SHISA9: variants seen among roughly 807,000 people sequenced by gnomAD.
The protein encoded by SHISA9 is protein shisa-9.
Under a neutral mutation model 38.0 loss-of-function variants are expected in SHISA9, and 13 were observed. The ratio of observed to expected loss-of-function variants is 0.34; its 90% CI spans 0.22 to 0.54. The LOEUF is 0.54. Among genes scored for constraint, SHISA9 ranks in the 20% least tolerant of loss-of-function variants. The pLI, the probability that SHISA9 is intolerant of heterozygous loss-of-function variation, is 0.91. For synonymous variants in SHISA9, 275 were observed against 242.0 expected, an observed-to-expected ratio of 1.14 and a Z score of -1.27; for missense variants, 538 against 575.8, an observed-to-expected ratio of 0.93 and a Z score of 0.67.
chr16:13,516,730 A>G, the SHISA9 span, among the ~76,000 whole-genome samples: 1 of 151,820 alleles, frequency 6.6e-6, no homozygotes, highest in Non-Finnish European at 1.5e-5. Flanking sequence ...AACCCGAGGC[A>G]GAGTTTGCAG....
chr16:13,451,581 C>T, the SHISA9 span, among the ~76,000 whole-genome samples: 31 of 152,186 alleles, frequency 2.0e-4, no homozygotes, highest in South Asian at 6.0e-3. Context: ...AACTGAAGAT[C>T]GGAGGACCTG....
At chr16:13,240,939 C>G (rs1246151147), downstream of SHISA9, among the ~76,000 whole-genome samples, 1 of 148,114 alleles carries the variant, frequency 6.8e-6, no homozygotes, top group Non-Finnish European at 1.5e-5. Context: ...GAAGAGAATA[C>G]TGGGAGGGGG....
chr16:12,983,815 T>C (rs2072272274), intron 2 of SHISA9, among the ~76,000 whole-genome samples: 3 of 152,200 alleles, frequency 2.0e-5, no homozygotes, highest in Admixed American at 6.5e-5. Flanking sequence ...TGCTCCGTTA[T>C]TCACCCTTTT....
chr16:12,961,125 C>T (rs150829274), intron 2 of SHISA9, among the ~76,000 whole-genome samples: 6 of 152,138 alleles, frequency 3.9e-5, no homozygotes, highest in South Asian at 2.1e-4. Flanking sequence ...AGCTGAGACC[C>T]GGAGGATGAG....
chr16:13,370,506 A>T, the SHISA9 span, among the ~76,000 whole-genome samples: 1 of 152,172 alleles, frequency 6.6e-6, no homozygotes, highest in Non-Finnish European at 1.5e-5. Flanking sequence ...TCTTCAGCTG[A>T]TACTGTTAAC....
chr16:13,562,970 G>A, the SHISA9 span: 1 of 152,238 alleles, frequency 6.6e-6, no homozygotes, highest in South Asian at 2.1e-4. Context: ...CTCGTTTGGT[G>A]GAACGTAAAG....
chr16:13,263,704 C>G, the SHISA9 span, among the ~76,000 whole-genome samples: 1 of 152,142 alleles, frequency 6.6e-6, no homozygotes, highest in African/African-American at 2.4e-5. Flanking sequence ...ACATATAATT[C>G]CTACATGACT....
intron 2 of SHISA9, among the ~76,000 whole-genome samples, chr16:12,964,848 G>T (rs2071957148): frequency 6.6e-6 from 1 of 151,994 alleles, no homozygotes; most frequent in Admixed American, 6.6e-5. Context: ...TATTTCTTGG[G>T]GTTGTCAAAA....
chr16:13,473,349 C>CTTTTTTTTT, the SHISA9 span, among the ~76,000 whole-genome samples: 130 of 73,856 alleles, frequency 1.8e-3, 1 homozygote, highest in Middle Eastern at 0.012. Flanking sequence ...TTCTTTCTTT[C>CTTTTTTTTT]TTTTTTTTTT....
At chr16:13,469,389 G>T in the SHISA9 span, among the ~76,000 whole-genome samples, 4 of 101,638 alleles carry the variant, frequency 3.9e-5, no homozygotes, top group African/African-American at 1.6e-4. Flanking sequence ...AAGAAAGAAA[G>T]AAAGAAAGAA....
intron 2 of SHISA9, among the ~76,000 whole-genome samples, chr16:13,195,533 C>A (rs572975861): frequency 6.6e-6 from 1 of 152,234 alleles, no homozygotes; most frequent in East Asian, 1.9e-4. Flanking sequence ...TAGAGCATAA[C>A]CCCTACTCCT....
chr16:13,220,847 C>T (rs1176053006), intron 4 of SHISA9, among the ~76,000 whole-genome samples: 1 of 152,116 alleles, frequency 6.6e-6, no homozygotes, highest in African/African-American at 2.4e-5. Context: ...CACAGCAGGA[C>T]TGCCTAAGTG....
chr16:13,502,171 G>T, the SHISA9 span, among the ~76,000 whole-genome samples: 2 of 152,048 alleles, frequency 1.3e-5, no homozygotes, highest in Non-Finnish European at 2.9e-5. Flanking sequence ...TATTTGTAAA[G>T]ATTGCCTACA....
At chr16:13,214,625 G>T (rs1313110427) in intron 4 of SHISA9, among the ~76,000 whole-genome samples, 1 of 152,154 alleles carries the variant, frequency 6.6e-6, no homozygotes, top group African/African-American at 2.4e-5. Context: ...CCAAGACTGG[G>T]CAATTTACAA....
At chr16:13,274,659 A>G in the SHISA9 span, among the ~76,000 whole-genome samples, 1 of 152,100 alleles carries the variant, frequency 6.6e-6, no homozygotes, top group South Asian at 2.1e-4. Context: ...GGGAAGAGAA[A>G]GCTCCTGATT....
the SHISA9 span, among the ~76,000 whole-genome samples, chr16:13,353,955 C>T: frequency 1.3e-5 from 2 of 151,870 alleles, no homozygotes; most frequent in East Asian, 3.9e-4. Flanking sequence ...TTATGTCTGA[C>T]AGAAGGGAAG....
chr16:13,313,786 A>C, the SHISA9 span, among the ~76,000 whole-genome samples: 1 of 152,256 alleles, frequency 6.6e-6, no homozygotes, highest in African/African-American at 2.4e-5. Context: ...CAAATTATCT[A>C]CAGCTCTCTG....
chr16:13,484,726 G>T, the SHISA9 span, among the ~76,000 whole-genome samples: 5,846 of 152,308 alleles, frequency 0.038, 366 homozygotes, highest in African/African-American at 0.13. Context: ...CATGGTGGAA[G>T]GTGAAGAGGA....
At chr16:13,377,803 G>A in the SHISA9 span, among the ~76,000 whole-genome samples, 1,541 of 152,244 alleles carry the variant, frequency 0.01, 29 homozygotes, top group African/African-American at 0.035. Context: ...CAAGGTGGGC[G>A]GATCACTTGA....
Sources: allele counts gnomAD v4.1 joint callset (sites outside exome capture counted in the v4.1 genomes callset), GRCh38; gene constraint gnomAD v4.1.1; transcripts MANE v1.5; gene names NCBI Gene and HGNC (gene_info 2026-07-23, HGNC 2026-07-21).